The following PPP1CB variants were observed in gnomAD, a reference collection of about 807,000 sequenced individuals.
PPP1CB encodes the protein protein phosphatase 1 catalytic subunit beta, also known as serine/threonine-protein phosphatase PP1-beta catalytic subunit.
PPP1CB carries 2 observed loss-of-function variants against 43.7 expected under a neutral mutation model. That is an observed-to-expected ratio of 0.05 (90% CI 0.02 to 0.14). The LOEUF (loss-of-function observed/expected upper bound fraction) is 0.14, where lower values mean the gene tolerates loss of function less well. PPP1CB is among the 10% of genes least tolerant of loss of function. The pLI, the probability that PPP1CB is intolerant of heterozygous loss-of-function variation, is 1.00. For synonymous variants in PPP1CB, 136 were observed against 135.6 expected (o/e 1.00, Z -0.02); for missense variants, 84 against 398.0 (o/e 0.21, Z 6.71).
chr2:28,751,806 C>A (rs754826391), upstream of PPP1CB: 2 of 441,042 alleles, frequency 4.5e-6, no homozygotes, highest in Non-Finnish European at 4.1e-6. Flanking sequence ...GCGGGTGGGG[C>A]CGTCGGCGGC....
Position 28,802,499 on chromosome 2 carries a change from T to C in PPP1CB, c.*3196T>C, listed in dbSNP as rs1667643033. 2 of 152,218 alleles carry C rather than the reference T, an allele frequency of 1.3e-5. No individual in the cohort carries two copies. The highest frequency in any genetic ancestry group is 4.8e-5 in the African/African-American group (2 of 41,456). The allele number at this position is 152,218 out of a possible 1,614,324, so 9.4% of individuals were successfully genotyped here. A position where few individuals can be genotyped will look rare whatever the true frequency, so the allele number is the denominator to read the frequency against. ...CTAGTGGCATCACTTAGAAGTAGGCTTTCCCTCTTCCTAGTAGATCTCAAT... is the reference window on the plus strand; with the variant it reads ...CTAGTGGCATCACTTAGAAGTAGGCCTTCCCTCTTCCTAGTAGATCTCAAT... On this transcript the variant is annotated 3_prime_UTR_variant, in exon 8 of 8. Coordinates refer to ENST00000395366, the MANE Select transcript of PPP1CB (RefSeq NM_002709.3).
chr2:28,764,459 C>CAA (rs563880320), intron 1 of PPP1CB, among the ~76,000 whole-genome samples: 19 of 90,252 alleles, frequency 2.1e-4, no homozygotes, highest in African/African-American at 4.0e-4. Context: ...GACTCCATCT[C>CAA]AAAAAAAAAA....
intron 1 of PPP1CB, among the ~76,000 whole-genome samples, chr2:28,767,589 T>G (rs1195811936): frequency 6.6e-6 from 1 of 152,192 alleles, no homozygotes; most frequent in Non-Finnish European, 1.5e-5. Context: ...TAATTTGTGA[T>G]GCACCGAAAA....
chr2:28,800,228 T>TTTTTTTTTTTTTTTTTTTTTTC lies in PPP1CB; in HGVS notation c.*946_*947insCTTTTTTTTTTTTTTTTTTTTT, dbSNP rs1667584460. 1 of 36,368 alleles carries TTTTTTTTTTTTTTTTTTTTTTC rather than the reference T, an allele frequency of 2.7e-5. No individual in the cohort carries two copies. Among genetic ancestry groups the TTTTTTTTTTTTTTTTTTTTTTC allele is most frequent in the African/African-American group, 1.1e-4 (1 of 9,452 alleles). 2.3% of individuals were successfully genotyped at this position (36,368 alleles called of 1,614,324 possible). On this transcript the variant is annotated 3_prime_UTR_variant, in exon 8 of 8. Coordinates refer to ENST00000395366, the MANE Select transcript of PPP1CB (RefSeq NM_002709.3). Reference sequence around the variant, plus strand: ...GGTTTTCTTTTTCTTTTTTCTTTCTTTTTTTTTTTTTTTTTTTTTTTGAGT... The same window carrying TTTTTTTTTTTTTTTTTTTTTTC: ...GGTTTTCTTTTTCTTTTTTCTTTCTTTTTTTTTTTTTTTTTTTTTTTCTTTTTTTTTTTTTTTTTTTTTGAGT...
chr2:28,802,932 C>T lies in PPP1CB; in HGVS notation c.*3629C>T, dbSNP rs1430489180. On this transcript the variant is annotated 3_prime_UTR_variant, in exon 8 of 8. Transcript: ENST00000395366. Reference sequence around the variant, plus strand: ...GATGTTTTATTAAACCTTATTTTTACAAAAATGACCATAAATCTTTGCTTC... The same window carrying T: ...GATGTTTTATTAAACCTTATTTTTATAAAAATGACCATAAATCTTTGCTTC... 1.3e-5 allele frequency: 2 copies of T among 152,086 alleles called. No homozygotes were observed. Among genetic ancestry groups the T allele is most frequent in the Non-Finnish European group, 2.9e-5 (2 of 68,024 alleles). 9.4% of individuals were successfully genotyped at this position (152,086 alleles called of 1,614,324 possible).
chr2:28,780,987 G>T (rs1246315924), intron 3 of PPP1CB, among the ~76,000 whole-genome samples: 1 of 152,088 alleles, frequency 6.6e-6, no homozygotes, highest in Non-Finnish European at 1.5e-5. Context: ...CAATGCATTA[G>T]TGTTAAAATG....
chr2:28,783,762 A>C, intron 4 of PPP1CB, 145 bp from the exon 5 acceptor site: 1 of 608,184 alleles, frequency 1.6e-6, no homozygotes, highest in South Asian at 2.2e-5. Context: ...GTCTCGAAAA[A>C]AAAAAAAGAC....
Position 28,800,140 on chromosome 2 carries a change from T to C in PPP1CB, c.*837T>C, listed in dbSNP as rs1376160489. 1.3e-5 allele frequency: 2 copies of C among 152,262 alleles called. No homozygotes were observed. The highest frequency in any genetic ancestry group is 2.9e-5 in the Non-Finnish European group (2 of 67,876). The allele number at this position is 152,262 out of a possible 1,614,324, so 9.4% of individuals were successfully genotyped here. A position where few individuals can be genotyped will look rare whatever the true frequency, so the allele number is the denominator to read the frequency against. On this transcript the variant is annotated 3_prime_UTR_variant, in exon 8 of 8. Coordinates refer to ENST00000395366, the MANE Select transcript of PPP1CB (RefSeq NM_002709.3). ...GATTATGTGGTACCTTGGCTTTAGG[T>C]TTTCATTCGCACGGAACACCTTTTG... is the stretch of plus-strand genomic sequence containing the variant.
intron 1 of PPP1CB, among the ~76,000 whole-genome samples, chr2:28,755,969 A>G (rs900012221): frequency 1.3e-5 from 2 of 152,214 alleles, no homozygotes; most frequent in African/African-American, 4.8e-5. Context: ...CTGTAATTCC[A>G]CAATCCAGAG....
At chr2:28,797,121 C>G (rs1028203340) in intron 7 of PPP1CB, among the ~76,000 whole-genome samples, 2 of 151,776 alleles carry the variant, frequency 1.3e-5, no homozygotes, top group Non-Finnish European at 2.9e-5. Flanking sequence ...AGGAATAAAC[C>G]CTTCTTGATT....
intron 1 of PPP1CB, among the ~76,000 whole-genome samples, chr2:28,761,049 T>C (rs779682689): frequency 1.3e-5 from 2 of 152,090 alleles, no homozygotes; most frequent in Non-Finnish European, 2.9e-5. Context: ...TACAGGCGCC[T>C]GCCACCATGC....
intron 7 of PPP1CB, among the ~76,000 whole-genome samples, chr2:28,798,198 T>G (rs923510905): frequency 1.3e-5 from 2 of 152,142 alleles, no homozygotes. Flanking sequence ...TTATGTATAA[T>G]GTAGGTTAAA....
intron 6 of PPP1CB, among the ~76,000 whole-genome samples, chr2:28,789,479 A>G (rs1289158526): frequency 6.6e-6 from 1 of 152,050 alleles, no homozygotes; most frequent in Non-Finnish European, 1.5e-5. Context: ...ACTGCTCTCC[A>G]GCCCTTGTGA....
At chr2:28,777,221 T>C in intron 2 of PPP1CB, 1 of 240,306 alleles carries the variant, frequency 4.2e-6, no homozygotes, top group Non-Finnish European at 7.9e-6. Flanking sequence ...AGAGTTCTTA[T>C]AAATAAGAGA....
chr2:28,768,830 CAG>C (rs2148042820), intron 1 of PPP1CB, among the ~76,000 whole-genome samples: 1 of 147,752 alleles, frequency 6.8e-6, no homozygotes, highest in African/African-American at 2.5e-5. Context: ...CTAGTGCTGA[CAG>C]AAAAAAAAAA....
intron 5 of PPP1CB, among the ~76,000 whole-genome samples, chr2:28,787,446 G>A (rs1298761143): frequency 6.6e-6 from 1 of 152,162 alleles, no homozygotes; most frequent in Non-Finnish European, 1.5e-5. Flanking sequence ...GCAACAGAGC[G>A]AGACTCCGTC....
At chr2:28,781,072 G>T (rs773092573) in intron 3 of PPP1CB, among the ~76,000 whole-genome samples, 1 of 151,722 alleles carries the variant, frequency 6.6e-6, no homozygotes, top group South Asian at 2.1e-4. Flanking sequence ...CACACTGAAC[G>T]GAAAAAAATG....
chr2:28,760,287 T>C (rs943077709), intron 1 of PPP1CB, among the ~76,000 whole-genome samples: 8 of 152,246 alleles, frequency 5.3e-5, no homozygotes, highest in African/African-American at 1.9e-4. Context: ...GTTTAAAAAT[T>C]TTTTTAAGTT....
chr2:28,765,377 A>G (rs1666758938), intron 1 of PPP1CB, among the ~76,000 whole-genome samples: 1 of 152,210 alleles, frequency 6.6e-6, no homozygotes, highest in Non-Finnish European at 1.5e-5. Flanking sequence ...GAAAGCATTT[A>G]TAGAATTCTC....
Sources: gnomAD v4.1 joint callset for allele counts (sites outside exome capture counted in the v4.1 genomes callset) on GRCh38, gnomAD v4.1.1 for gene constraint, MANE v1.5 for transcripts, NCBI Gene and HGNC (gene_info 2026-07-23, HGNC 2026-07-21) for gene names.